Variants in MACROD2 observed in about 807,000 individuals in gnomAD.
The protein encoded by MACROD2 is ADP-ribose glycohydrolase MACROD2.
In MACROD2, 36 loss-of-function variants were observed where a neutral mutation model predicts 70.4. That is an observed-to-expected ratio of 0.51 (90% CI 0.39 to 0.68). The LOEUF (loss-of-function observed/expected upper bound fraction) is 0.68, where lower values mean the gene tolerates loss of function less well. Among genes scored for constraint, MACROD2 ranks in the 30% least tolerant of loss-of-function variants. The pLI is 0.00. For missense variants in MACROD2, 496 were observed against 538.4 expected (o/e 0.92, Z 0.78); for synonymous variants, 172 against 178.8 (o/e 0.96, Z 0.30).
chr20:15,243,953 G>A (rs1478017456), intron 6 of MACROD2, among the ~76,000 whole-genome samples: 2 of 151,768 alleles, frequency 1.3e-5, no homozygotes, highest in Admixed American at 6.6e-5. Context: ...AGAAAATTTT[G>A]TGAGCTGATT....
Position 14,724,115 on chromosome 20 carries a change from A to G in MACROD2, c.418+39156A>G, listed in dbSNP as rs377555316. The stretch of plus-strand genomic sequence containing the variant: ...GTAACATTCAATTTTGAGACATTCA[A>G]ATATGCTGAGTGTTTTTTAAACAGA... On this transcript the variant is annotated intron_variant, in intron 5 of 17. Coordinates refer to ENST00000684519, the MANE Select transcript of MACROD2 (RefSeq NM_001351661.2). Among the ~76,000 whole-genome samples, 7 of 152,176 alleles carry G rather than the reference A, an allele frequency of 4.6e-5. No individual in the cohort carries two copies. The South Asian group carries it at 6.2e-4, about 13-fold the overall frequency.
intron 5 of MACROD2, among the ~76,000 whole-genome samples, chr20:14,690,749 C>G (rs2071053253): frequency 6.6e-6 from 1 of 152,144 alleles, no homozygotes; most frequent in African/African-American, 2.4e-5. Flanking sequence ...TTTATTAGAA[C>G]ACAGTTGTGG....
At chr20:15,295,037 G>A (rs895007744) in intron 6 of MACROD2, among the ~76,000 whole-genome samples, 3 of 152,210 alleles carry the variant, frequency 2.0e-5, no homozygotes, top group Admixed American at 2.0e-4. Context: ...CATGTTGTGG[G>A]AGGGACCCAG....
chr20:16,013,902 G>T (rs959763554), intron 15 of MACROD2, among the ~76,000 whole-genome samples: 1 of 152,282 alleles, frequency 6.6e-6, no homozygotes, highest in Admixed American at 6.5e-5. Flanking sequence ...GTTGAGATAG[G>T]CCCTGTGTAA....
At chr20:14,547,890 G>T (rs974666423) in intron 4 of MACROD2, among the ~76,000 whole-genome samples, 9 of 152,114 alleles carry the variant, frequency 5.9e-5, no homozygotes, top group Admixed American at 5.9e-4. Flanking sequence ...TAATCATCCT[G>T]CAGTCTCGTG....
intron 8 of MACROD2, among the ~76,000 whole-genome samples, chr20:15,773,502 T>C (rs905538096): frequency 6.6e-6 from 1 of 152,140 alleles, no homozygotes; most frequent in Non-Finnish European, 1.5e-5. Flanking sequence ...AAGGCACAGC[T>C]TTCATCTAAA....
intron 6 of MACROD2, among the ~76,000 whole-genome samples, chr20:15,356,348 A>G (rs1013006986): frequency 6.6e-6 from 1 of 152,228 alleles, no homozygotes; most frequent in Non-Finnish European, 1.5e-5. Flanking sequence ...GACTCAATAA[A>G]TGTTCTCAAA....
At chr20:14,904,762 A>G (rs1350517772) in intron 5 of MACROD2, among the ~76,000 whole-genome samples, 1 of 152,212 alleles carries the variant, frequency 6.6e-6, no homozygotes, top group African/African-American at 2.4e-5. Flanking sequence ...ATAAGTAATA[A>G]AATGAGATTA....
chr20:15,150,680 G>A (rs1171756910), intron 5 of MACROD2, among the ~76,000 whole-genome samples: 2 of 151,898 alleles, frequency 1.3e-5, no homozygotes, highest in Non-Finnish European at 2.9e-5. Context: ...GGTTAAGGTG[G>A]GGGGATACAA....
intron 5 of MACROD2, chr20:14,757,610 A>T: frequency 8.6e-7 from 1 of 1,159,546 alleles, no homozygotes; most frequent in Non-Finnish European, 1.3e-6. Context: ...ACTCCTTTTT[A>T]AGGAGGGAGT....
At chr20:14,569,944 A>G (rs1053148340) in intron 4 of MACROD2, among the ~76,000 whole-genome samples, 4 of 152,054 alleles carry the variant, frequency 2.6e-5, no homozygotes, top group African/African-American at 7.2e-5. Context: ...TGGAAGTTCT[A>G]CCACATCAGA....
At chr20:15,477,427 G>GT (rs928677842) in intron 7 of MACROD2, among the ~76,000 whole-genome samples, 6 of 151,594 alleles carry the variant, frequency 4.0e-5, no homozygotes, top group African/African-American at 7.3e-5. Context: ...TTTTAATGAG[G>GT]TTTTTTTTCA....
chr20:15,126,111 CTTTTTTTTTTT>C (rs5840654), intron 5 of MACROD2, among the ~76,000 whole-genome samples: 5 of 98,822 alleles, frequency 5.1e-5, no homozygotes, highest in African/African-American at 1.7e-4. Context: ...ATTGTTTCAA[CTTTTTTTTTTT>C]TTTTTTTTTT....
intron 6 of MACROD2, among the ~76,000 whole-genome samples, chr20:15,353,250 C>G (rs1325621630): frequency 8.7e-4 from 131 of 150,518 alleles, no homozygotes; most frequent in Middle Eastern, 3.4e-3. Flanking sequence ...CAAGAAATGG[C>G]GAAAGGATTC....
intron 4 of MACROD2, among the ~76,000 whole-genome samples, chr20:14,609,826 G>A (rs563545974): frequency 1.3e-5 from 2 of 152,182 alleles, no homozygotes; most frequent in African/African-American, 4.8e-5. Flanking sequence ...TGGGCTGTGG[G>A]ACAGAATGAA....
At chr20:14,806,297 T>C (rs1266194773) in intron 5 of MACROD2, among the ~76,000 whole-genome samples, 1 of 152,026 alleles carries the variant, frequency 6.6e-6, no homozygotes, top group East Asian at 1.9e-4. Flanking sequence ...GTGCAGCCCA[T>C]GGAGGGCGAC....
intron 7 of MACROD2, among the ~76,000 whole-genome samples, chr20:15,490,171 T>TTCCTTCC (rs2047211171): frequency 1.9e-5 from 2 of 103,568 alleles, no homozygotes; most frequent in African/African-American, 7.6e-5. Context: ...TCCTTCCTCC[T>TTCCTTCC]TTCCTTCCTT....
intron 7 of MACROD2, among the ~76,000 whole-genome samples, chr20:15,488,323 C>T (rs1025791302): frequency 3.9e-5 from 6 of 152,136 alleles, no homozygotes; most frequent in Non-Finnish European, 7.4e-5. Context: ...TCCTAGGACA[C>T]AGGATCAGGC....
At chr20:14,912,943 TTGGCTC>T in intron 5 of MACROD2, among the ~76,000 whole-genome samples, 2 of 152,180 alleles carry the variant, frequency 1.3e-5, no homozygotes, top group Non-Finnish European at 2.9e-5. Flanking sequence ...GGGCTTGCAG[TTGGCTC>T]ATACACATAA....
Sources: gnomAD v4.1 joint callset for allele counts (sites outside exome capture counted in the v4.1 genomes callset) on GRCh38, gnomAD v4.1.1 for gene constraint, MANE v1.5 for transcripts, NCBI Gene and HGNC (gene_info 2026-07-23, HGNC 2026-07-21) for gene names.